Variants in PHF21A observed in about 807,000 individuals in gnomAD.
PHF21A encodes PHD finger protein 21A.
PHF21A carries 11 observed loss-of-function variants against 82.5 expected under a neutral mutation model. The ratio of observed to expected loss-of-function variants is 0.13; its 90% CI spans 0.08 to 0.22. The LOEUF (loss-of-function observed/expected upper bound fraction) is 0.22. Among genes scored for constraint, PHF21A ranks in the 10% least tolerant of loss-of-function variants. The probability of loss-of-function intolerance (pLI) is 1.00; values close to 1 mark genes in which losing one functional copy is unlikely to be tolerated. For missense variants in PHF21A, 579 were observed against 837.8 expected, an observed-to-expected ratio of 0.69 and a Z score of 3.81; for synonymous variants, 297 against 302.8, an observed-to-expected ratio of 0.98 and a Z score of 0.20.
At chr11:46,031,229 T>C (rs187295516) in intron 6 of PHF21A, among the ~76,000 whole-genome samples, 18 of 152,316 alleles carry the variant, frequency 1.2e-4, no homozygotes, top group African/African-American at 4.3e-4. Context: ...TCCAACCTCT[T>C]TCCATACCTT....
chr11:46,105,043 T>C lies in PHF21A; in HGVS notation c.-236-12820A>G, dbSNP rs114200229. Among the ~76,000 whole-genome samples, 512 of 152,310 alleles carry C rather than the reference T, an allele frequency of 3.4e-3. 4 individuals are homozygous for C. The highest frequency in any genetic ancestry group is 0.012 in the African/African-American group (490 of 41,564). On this transcript the variant is annotated intron_variant, in intron 1 of 18. Transcript: ENST00000676320. ...CTTACTATGTGTCAGGCACTTCTAC[T>C]AGTTTACACATTAACTCACTTATTC...
At chr11:45,946,056 G>C (rs770480350) in intron 14 of PHF21A, 53 bp from the exon 15 acceptor site, 9 of 1,612,190 alleles carry the variant, frequency 5.6e-6, no homozygotes, top group African/African-American at 1.3e-5. Context: ...GAAAGAGAGG[G>C]GGAAAATGAT....
intron 16 of PHF21A, 174 bp from the exon 17 acceptor site, chr11:45,936,743 A>G (rs553149528): frequency 2.4e-5 from 14 of 578,344 alleles, no homozygotes; most frequent in Non-Finnish European, 3.7e-5. Context: ...TCCAAATATC[A>G]GCTTAGGAGA....
chr11:46,054,495 G>C (rs939488044), intron 6 of PHF21A, among the ~76,000 whole-genome samples: 3 of 152,122 alleles, frequency 2.0e-5, no homozygotes, highest in African/African-American at 7.2e-5. Flanking sequence ...CGAAGATTCT[G>C]ATTCAACTGG....
rs779751750 is a variant in PHF21A, at chr11:45,950,187, C to G, written c.1147+19G>C. 23 of 1,578,092 alleles carry G rather than the reference C, an allele frequency of 1.5e-5. No individual in the cohort carries two copies. The East Asian group carries it at 5.3e-4, about 36-fold the overall frequency. ...TGTGGGCCAGAAAAAAAGGCAGTGC[C>G]AAGAATATCTTCTCTTACCTTCTAG... On this transcript the variant is annotated intron_variant, in intron 12 of 18. Transcript: ENST00000676320.
rs1220348475 is a variant in PHF21A, at chr11:45,946,057, G to A, written c.1289-54C>T. On this transcript the variant is annotated intron_variant, in intron 14 of 18. Coordinates refer to ENST00000676320, the MANE Select transcript of PHF21A (RefSeq NM_001352027.3). The stretch of plus-strand genomic sequence containing the variant: ...GAAAAACGGGGAGGGAAAGAGAGGG[G>A]GAAAATGATCTTACATACCTTTGGC... The A allele has an allele frequency of 4.3e-6, 7 of 1,611,936 alleles. No individual in the cohort carries two copies. In the African/African-American group the frequency reaches 9.4e-5, roughly 22 times the overall value.
chr11:46,084,422 A>G (rs553664712), intron 3 of PHF21A, 120 bp from the exon 4 acceptor site: 3 of 439,724 alleles, frequency 6.8e-6, no homozygotes, highest in African/African-American at 2.1e-5. Flanking sequence ...GAAATTTCCC[A>G]AAGAGATTTT....
At chr11:46,017,313 T>C (rs753542180) in intron 6 of PHF21A, among the ~76,000 whole-genome samples, 4 of 152,220 alleles carry the variant, frequency 2.6e-5, no homozygotes, top group East Asian at 3.8e-4. Flanking sequence ...TATCTTCTCA[T>C]AGTTCTAGCA....
At chr11:46,084,686 T>C (rs572626788) in intron 3 of PHF21A, among the ~76,000 whole-genome samples, 1 of 151,764 alleles carries the variant, frequency 6.6e-6, no homozygotes, top group East Asian at 1.9e-4. Context: ...CATAATTTTT[T>C]TTTTTTTTTT....
At chr11:45,938,382 C>G in intron 15 of PHF21A, 70 bp from the exon 16 acceptor site, 1 of 1,233,742 alleles carries the variant, frequency 8.1e-7, no homozygotes, top group African/African-American at 1.5e-5. Context: ...CATGCACATT[C>G]TAGATGCATA....
chr11:46,034,261 T>C (rs2095937309), intron 6 of PHF21A, among the ~76,000 whole-genome samples: 1 of 151,030 alleles, frequency 6.6e-6, no homozygotes. Flanking sequence ...GGCTCATACT[T>C]TTCTTAGAGA....
intron 9 of PHF21A, 89 bp from the exon 10 acceptor site, chr11:45,965,697 GT>G (rs2093394726): frequency 4.1e-6 from 4 of 964,212 alleles, no homozygotes; most frequent in Admixed American, 2.9e-5. Context: ...GTATGAAATG[GT>G]GTTTAATACA....
chr11:46,013,111 C>T (rs2095442909), intron 6 of PHF21A, among the ~76,000 whole-genome samples: 1 of 151,970 alleles, frequency 6.6e-6, no homozygotes, highest in African/African-American at 2.4e-5. Flanking sequence ...TATTTAAACC[C>T]GGTTAAACTG....
intron 6 of PHF21A, among the ~76,000 whole-genome samples, chr11:46,036,190 A>G (rs2095999839): frequency 6.6e-6 from 1 of 152,224 alleles, no homozygotes; most frequent in Admixed American, 6.5e-5. Context: ...CAGAGTCAAC[A>G]ATGATGTTTA....
intron 1 of PHF21A, among the ~76,000 whole-genome samples, chr11:46,104,727 T>G (rs545055327): frequency 5.6e-4 from 86 of 152,308 alleles, no homozygotes; most frequent in African/African-American, 2.0e-3. Context: ...TTCCTCATTT[T>G]ATTGTCACAT....
chr11:45,979,634 A>G, intron 7 of PHF21A, 126 bp downstream of exon 7: 2 of 1,340,756 alleles, frequency 1.5e-6, no homozygotes, highest in Non-Finnish European at 2.1e-6. Flanking sequence ...GTAAAAAAGC[A>G]ATCAAAATAA....
chr11:46,079,874 AG>A (rs2096769586), intron 4 of PHF21A, among the ~76,000 whole-genome samples: 1 of 151,418 alleles, frequency 6.6e-6, no homozygotes. Context: ...GAAAGGAAAG[AG>A]GAAAGGAAAG....
At chr11:46,092,596 G>A (rs189999807) in intron 1 of PHF21A, among the ~76,000 whole-genome samples, 1 of 152,186 alleles carries the variant, frequency 6.6e-6, no homozygotes, top group African/African-American at 2.4e-5. Flanking sequence ...ACAAATTAAG[G>A]TAACATCACT....
intron 1 of PHF21A, chr11:46,120,524 C>G (rs1347940236): frequency 6.6e-6 from 1 of 151,948 alleles, no homozygotes; most frequent in Non-Finnish European, 1.5e-5. Flanking sequence ...TGCTCATAAA[C>G]TTACTTCCAA....
Sources: gnomAD v4.1 joint callset for allele counts (sites outside exome capture counted in the v4.1 genomes callset) on GRCh38, gnomAD v4.1.1 for gene constraint, MANE v1.5 for transcripts, NCBI Gene and HGNC (gene_info 2026-07-23, HGNC 2026-07-21) for gene names.